The following DYM variants were observed in gnomAD, a reference collection of about 807,000 sequenced individuals.
The protein encoded by DYM is dyggve-Melchior-Clausen syndrome protein.
In DYM, 78 loss-of-function variants were observed where a neutral mutation model predicts 93.1. That is an observed-to-expected ratio of 0.84 (90% CI 0.70 to 1.01). DYM has a LOEUF of 1.01. Among genes scored for constraint, DYM ranks in the 50% least tolerant of loss-of-function variants. The pLI is 0.00. For synonymous variants in DYM, 321 were observed against 319.7 expected (o/e 1.00, Z -0.04); for missense variants, 789 against 845.0 (o/e 0.93, Z 0.82).
At chr18:49,284,305 T>A (rs2095066052) in intron 9 of DYM, among the ~76,000 whole-genome samples, 1 of 152,230 alleles carries the variant, frequency 6.6e-6, no homozygotes, top group African/African-American at 2.4e-5. Context: ...CTGATCAGCT[T>A]TACATGGAAT....
At chr18:49,180,035 G>A (rs1366892847) in intron 14 of DYM, among the ~76,000 whole-genome samples, 1 of 152,050 alleles carries the variant, frequency 6.6e-6, no homozygotes, top group Non-Finnish European at 1.5e-5. Context: ...TATAATAGAT[G>A]TATTTAATTA....
At chr18:49,381,008 T>TA (rs1350959592) in intron 3 of DYM, among the ~76,000 whole-genome samples, 1 of 152,042 alleles carries the variant, frequency 6.6e-6, no homozygotes, top group African/African-American at 2.4e-5. Context: ...CTTTTTTTTT[T>TA]AACATAGAAA....
intron 15 of DYM, among the ~76,000 whole-genome samples, chr18:49,140,931 A>G (rs769035552): frequency 3.3e-5 from 5 of 152,146 alleles, no homozygotes; most frequent in Non-Finnish European, 7.4e-5. Flanking sequence ...AATCCAATGT[A>G]TGTGTTTTAA....
chr18:49,126,546 A>C (rs1568461741), intron 15 of DYM: 3 of 152,200 alleles, frequency 2.0e-5, no homozygotes, highest in Non-Finnish European at 2.9e-5. Context: ...GAATTTGGAG[A>C]GTTTCTTTAA....
chr18:49,272,720 T>C (rs1193436716), intron 10 of DYM, among the ~76,000 whole-genome samples: 1 of 152,120 alleles, frequency 6.6e-6, no homozygotes, highest in Non-Finnish European at 1.5e-5. Context: ...AAGTAAAAAA[T>C]ATATTTCAAG....
chr18:49,421,580 T>C (rs1211997471), intron 2 of DYM, among the ~76,000 whole-genome samples: 1 of 152,130 alleles, frequency 6.6e-6, no homozygotes, highest in Admixed American at 6.5e-5. Context: ...ATTCTAAAAA[T>C]CAGAGTGCCT....
intron 8 of DYM, among the ~76,000 whole-genome samples, chr18:49,317,613 C>T (rs2062077067): frequency 2.2e-5 from 1 of 44,856 alleles, no homozygotes; most frequent in Non-Finnish European, 4.1e-5. Flanking sequence ...TCCCCCCTCC[C>T]TCCCTCCCTC....
rs148769502 is a variant in DYM, at chr18:49,319,540, G to C, written c.763+12324C>G. Among the ~76,000 whole-genome samples the C allele has an allele frequency of 6.8e-4, 103 of 152,314 alleles. No homozygotes were observed. In the East Asian group the frequency reaches 0.016, roughly 24 times the overall value. On this transcript the variant is annotated intron_variant, in intron 8 of 17. Coordinates refer to ENST00000675505, the MANE Select transcript of DYM (RefSeq NM_001353214.3). ...ATAGATGAGAGGGAGAAAAAAAGAT[G>C]AAGTAGGTGAATGGTAAACGAGTAT...
intron 3 of DYM, among the ~76,000 whole-genome samples, chr18:49,383,338 A>AGCAGCATAC (rs1454099735): frequency 6.6e-6 from 1 of 152,162 alleles, no homozygotes. Context: ...TGGACAACAC[A>AGCAGCATAC]GCAGCATACG....
Position 49,044,108 on chromosome 18 carries a change from C to T in DYM, c.2122G>A (p.Gly708Ser), listed in dbSNP as rs773386034. 53 of 1,613,814 alleles carry T rather than the reference C, an allele frequency of 3.3e-5. No homozygotes were observed. The highest frequency in any genetic ancestry group is 4.3e-5 in the Non-Finnish European group (51 of 1,180,028). Residue 708 changes from glycine to serine, a missense_variant, in exon 18 of 18, where the codon GGC becomes AGC. Around this residue, in one of 3 missense-constraint regions of DYM, gnomAD observed 114 missense variants for 105.8 expected, o/e 1.08. Transcript: ENST00000675505. Reference protein sequence around the residue: ...VWSLVYNSAVGLYWNPQDIQL... With the variant: ...VWSLVYNSAVSLYWNPQDIQL... ...ATGTCCTGTGGATTCCAGTACAGGC[C>T]GACTGCTGAGTTGTAGACAAGAGAC...
At chr18:49,301,246 C>T (rs1311235687) in intron 8 of DYM, among the ~76,000 whole-genome samples, 1 of 152,132 alleles carries the variant, frequency 6.6e-6, no homozygotes, top group African/African-American at 2.4e-5. Flanking sequence ...CTGGGCCGGG[C>T]GTGGTGGCTC....
intron 8 of DYM, among the ~76,000 whole-genome samples, chr18:49,289,727 G>GTGTGTA (rs1555678602): frequency 2.4e-5 from 2 of 85,090 alleles, no homozygotes; most frequent in Non-Finnish European, 4.2e-5. Context: ...ATATATATGT[G>GTGTGTA]TATATATATA....
chr18:49,322,939 A>G (rs1441275331), intron 8 of DYM, among the ~76,000 whole-genome samples: 1 of 152,164 alleles, frequency 6.6e-6, no homozygotes, highest in Non-Finnish European at 1.5e-5. Flanking sequence ...TAGCCCAAGA[A>G]CACTCAGTTA....
At chr18:49,241,840 C>T (rs1250646976) in intron 13 of DYM, among the ~76,000 whole-genome samples, 1 of 152,142 alleles carries the variant, frequency 6.6e-6, no homozygotes, top group African/African-American at 2.4e-5. Context: ...TCGAATTTTT[C>T]AAATTAAAAA....
rs777175513 is a variant in DYM, at chr18:49,286,506, C to T, written c.874G>A (p.Ala292Thr). 3 of 1,614,076 alleles carry T rather than the reference C, an allele frequency of 1.9e-6. No homozygotes were observed. The highest frequency in any genetic ancestry group is 3.3e-5 in the Admixed American group (2 of 60,024). Residue 292 changes from alanine to threonine, a missense_variant, in exon 9 of 18, where the codon GCC becomes ACC. By Grantham distance (58) the Ala-to-Thr change is moderately conservative. Around this residue, in one of 3 missense-constraint regions of DYM, gnomAD observed 450 missense variants for 436.2 expected, o/e 1.03. Transcript: ENST00000675505. ...NQSLLLLLVL[A>T]NLTDASDAPN... ...GCATCTGAGGCATCTGTCAGATTGGCCAACACCAGCAGAAGCAGGAGACTC... is the reference window on the plus strand; with the variant it reads ...GCATCTGAGGCATCTGTCAGATTGGTCAACACCAGCAGAAGCAGGAGACTC...
At chr18:49,147,241 C>T (rs2085264260) in intron 15 of DYM, among the ~76,000 whole-genome samples, 1 of 152,014 alleles carries the variant, frequency 6.6e-6, no homozygotes, top group African/African-American at 2.4e-5. Flanking sequence ...ACCATAAAAA[C>T]CCTAGAAGAA....
chr18:49,150,250 G>A (rs962117871), intron 15 of DYM, among the ~76,000 whole-genome samples: 3 of 152,148 alleles, frequency 2.0e-5, no homozygotes, highest in African/African-American at 7.2e-5. Context: ...ATTATTAAAG[G>A]CTCAGTACTG....
intron 17 of DYM, among the ~76,000 whole-genome samples, chr18:49,071,017 C>G (rs2076839944): frequency 1.3e-5 from 2 of 152,122 alleles, no homozygotes; most frequent in Admixed American, 1.3e-4. Flanking sequence ...ATGTGCAGAC[C>G]ATTTATAAAG....
Position 49,039,595 on chromosome 18 carries a change from GT to G in DYM, c.*4459del, listed in dbSNP as rs959218433. On this transcript the variant is annotated 3_prime_UTR_variant, in exon 18 of 18. Coordinates refer to ENST00000675505, the MANE Select transcript of DYM (RefSeq NM_001353214.3). ...TCTTACCCTCTATTCTCCATGTTCTGTTTTTTTTACTATATAATTCCTGCTC... is the reference window on the plus strand; with the variant it reads ...TCTTACCCTCTATTCTCCATGTTCTGTTTTTTTACTATATAATTCCTGCTC... 1.3e-5 allele frequency among the ~76,000 whole-genome samples: 2 copies of G among 151,662 alleles called. No homozygotes were observed. Among genetic ancestry groups the G allele is most frequent in the African/African-American group, 4.8e-5 (2 of 41,290 alleles).
Sources: gnomAD v4.1 joint callset for allele counts (sites outside exome capture counted in the v4.1 genomes callset) on GRCh38, gnomAD v4.1.1 for gene constraint, gnomAD v4.1.1 regional missense constraint, MANE v1.5 for transcripts, NCBI Gene and HGNC (gene_info 2026-07-23, HGNC 2026-07-21) for gene names.